KPNA7: variants seen among roughly 807,000 people sequenced by gnomAD.
KPNA7 encodes importin subunit alpha-8.
In KPNA7, 54 loss-of-function variants were observed where a neutral mutation model predicts 53.7. The ratio of observed to expected loss-of-function variants is 1.01; its 90% CI spans 0.81 to 1.26. KPNA7 has a LOEUF of 1.26. Ranked by LOEUF, KPNA7 falls within the 50% of genes most tolerant of loss-of-function variation. KPNA7 has a pLI of 0.00. For synonymous variants in KPNA7, 276 were observed against 259.3 expected, an observed-to-expected ratio of 1.06 and a Z score of -0.62; for missense variants, 640 against 644.5, an observed-to-expected ratio of 0.99 and a Z score of 0.07.
chr7:99,208,609 C>G (rs1052667074), upstream of KPNA7, among the ~76,000 whole-genome samples: 4 of 150,140 alleles, frequency 2.7e-5, no homozygotes, highest in African/African-American at 9.8e-5. Context: ...CTTTTCACCA[C>G]GTTGGCCAGG....
At chr7:99,195,852 G>T (rs1031534221) in intron 4 of KPNA7, among the ~76,000 whole-genome samples, 1 of 152,170 alleles carries the variant, frequency 6.6e-6, no homozygotes, top group Non-Finnish European at 1.5e-5. Flanking sequence ...AATTTCTGTA[G>T]AGGCCAATGT....
At chr7:99,161,268 T>TCTCTCTCTCTCTCTCTCTCCCC in the KPNA7 span, among the ~76,000 whole-genome samples, 41 of 123,086 alleles carry the variant, frequency 3.3e-4, no homozygotes, top group African/African-American at 1.2e-3. Context: ...TCTCTCTCTC[T>TCTCTCTCTCTCTCTCTCTCCCC]CTGATCACTT....
chr7:99,195,151 T>TGGCTCC lies in KPNA7; in HGVS notation c.466_471dup (p.Gly156_Ala157dup). ...GACAGGAGCTCAATCAAGGGCTGGA[T>TGGCTCC]GGCTCCCCCTTCTACCACGGCACGA... On this transcript the variant is annotated inframe_insertion, in exon 5 of 11. Coordinates refer to ENST00000327442, the MANE Select transcript of KPNA7 (RefSeq NM_001145715.3). 2.6e-6 allele frequency: 4 copies of TGGCTCC among 1,551,638 alleles called. No individual in the cohort carries two copies. The highest frequency in any genetic ancestry group is 3.5e-6 in the Non-Finnish European group (4 of 1,146,996).
chr7:99,188,349 A>AC lies in KPNA7; in HGVS notation c.850dup (p.Val284GlyfsTer33). ...CATGAGCACTACCAGCCTGGGCAGGACCCCCGTGTTAACCACTTGGCCGAT... is the reference window on the plus strand; with the variant it reads ...CATGAGCACTACCAGCCTGGGCAGGACCCCCCGTGTTAACCACTTGGCCGAT... On this transcript the variant is annotated frameshift_variant, in exon 7 of 11. Coordinates refer to ENST00000327442, the MANE Select transcript of KPNA7 (RefSeq NM_001145715.3). LOFTEE classifies it high-confidence loss of function. 6.4e-7 allele frequency: 1 copy of AC among 1,551,356 alleles called. No homozygotes were observed. The highest frequency in any genetic ancestry group is 8.7e-7 in the Non-Finnish European group (1 of 1,146,964).
intron 5 of KPNA7, among the ~76,000 whole-genome samples, chr7:99,194,339 T>C (rs888418061): frequency 6.6e-6 from 1 of 152,206 alleles, no homozygotes; most frequent in Non-Finnish European, 1.5e-5. Context: ...AAGGAGTTTT[T>C]TTTTGTTGTT....
intron 2 of KPNA7, among the ~76,000 whole-genome samples, chr7:99,207,103 C>T (rs1025713977): frequency 6.6e-6 from 1 of 151,952 alleles, no homozygotes; most frequent in African/African-American, 2.4e-5. Flanking sequence ...GGCCTGATCT[C>T]AGCTCACTGC....
chr7:99,207,935 G>A (rs1175816121), intron 1 of KPNA7, among the ~76,000 whole-genome samples, 93 bp downstream of exon 1: 1 of 150,730 alleles, frequency 6.6e-6, no homozygotes, highest in Non-Finnish European at 1.5e-5. Context: ...CTCCCAGCCA[G>A]CATTTTTTAT....
the KPNA7 span, among the ~76,000 whole-genome samples, chr7:99,151,025 G>T: frequency 1.3e-5 from 2 of 152,096 alleles, no homozygotes; most frequent in Admixed American, 1.3e-4. Context: ...ACTTAAATAC[G>T]TTCACAGAAA....
intron 3 of KPNA7, among the ~76,000 whole-genome samples, chr7:99,202,830 A>G (rs868565008): frequency 3.3e-5 from 5 of 152,110 alleles, no homozygotes; most frequent in African/African-American, 1.2e-4. Flanking sequence ...TGGGTGACAG[A>G]GTGAGACCTG....
chr7:99,200,543 G>T (rs540256009), intron 3 of KPNA7, among the ~76,000 whole-genome samples: 74 of 152,292 alleles, frequency 4.9e-4, no homozygotes, highest in Non-Finnish European at 9.0e-4. Flanking sequence ...CACAAAGAGT[G>T]AAACAGGCTT....
At chr7:99,162,163 G>A in the KPNA7 span, among the ~76,000 whole-genome samples, 4 of 146,776 alleles carry the variant, frequency 2.7e-5, no homozygotes, top group African/African-American at 7.6e-5. Context: ...CTCCAACCTT[G>A]CCTCCCGAGT....
At chr7:99,166,061 C>T in the KPNA7 span, among the ~76,000 whole-genome samples, 5 of 152,186 alleles carry the variant, frequency 3.3e-5, no homozygotes, top group Middle Eastern at 0.01. Context: ...TGCCTGCCTC[C>T]CCTTCACCTT....
rs1459444886 is a variant in KPNA7 at position 99,200,464 on chromosome 7, CAT to C, written c.201+2640_201+2641del. ...ATCACATATGCTACATCCCTTTCCT[CAT>C]AGAGTAATATTCACAGGTTTGGGGA... On this transcript the variant is annotated intron_variant, in intron 3 of 10. Coordinates refer to ENST00000327442, the MANE Select transcript of KPNA7 (RefSeq NM_001145715.3). Among the ~76,000 whole-genome samples, 5 of 152,182 alleles carry C rather than the reference CAT, an allele frequency of 3.3e-5. No homozygotes were observed. The East Asian group carries it at 5.8e-4, about 18-fold the overall frequency.
At chr7:99,164,477 G>T in the KPNA7 span, among the ~76,000 whole-genome samples, 1 of 152,106 alleles carries the variant, frequency 6.6e-6, no homozygotes, top group East Asian at 1.9e-4. Context: ...ATCACACTCC[G>T]GGGACTGTTG....
At chr7:99,167,613 CTTTTTTTTTTTTTTTTTTTTTTTTT>C in the KPNA7 span, among the ~76,000 whole-genome samples, 3 of 67,142 alleles carry the variant, frequency 4.5e-5, no homozygotes, top group African/African-American at 2.0e-4. Context: ...TCACACCCAA[CTTTTTTTTTTTTTTTTTTTTTTTTT>C]TTTTTTTTTT....
At chr7:99,176,737 G>A (rs754510010) in intron 10 of KPNA7, among the ~76,000 whole-genome samples, 9 of 152,056 alleles carry the variant, frequency 5.9e-5, no homozygotes, top group Admixed American at 5.3e-4. Context: ...GTTAGCTGCC[G>A]GCATGGTGGT....
upstream of KPNA7, among the ~76,000 whole-genome samples, chr7:99,209,088 G>A (rs1790966072): frequency 6.6e-6 from 1 of 152,116 alleles, no homozygotes; most frequent in Non-Finnish European, 1.5e-5. Flanking sequence ...GGAGGCGGAG[G>A]TTGCAGTGAG....
chr7:99,150,905 G>A, the KPNA7 span, among the ~76,000 whole-genome samples: 1 of 152,132 alleles, frequency 6.6e-6, no homozygotes, highest in Non-Finnish European at 1.5e-5. Flanking sequence ...GCTGAGTCCT[G>A]GCGAGGCTCT....
intron 3 of KPNA7, among the ~76,000 whole-genome samples, chr7:99,200,907 G>T (rs765373850): frequency 4.6e-5 from 7 of 152,084 alleles, no homozygotes; most frequent in Non-Finnish European, 8.8e-5. Context: ...GACAAAAGTT[G>T]CAGTGAGCCG....
Sources: allele counts gnomAD v4.1 joint callset (sites outside exome capture counted in the v4.1 genomes callset), GRCh38; gene constraint gnomAD v4.1.1; transcripts MANE v1.5; gene names NCBI Gene and HGNC (gene_info 2026-07-23, HGNC 2026-07-21).